SLC35F1: variants seen among roughly 807,000 people sequenced by gnomAD.
The protein encoded by SLC35F1 is solute carrier family 35 member F1.
Under a neutral mutation model 48.7 loss-of-function variants are expected in SLC35F1, and 14 were observed. The observed-to-expected ratio is 0.29, with a 90% CI of 0.19 to 0.45. The LOEUF (loss-of-function observed/expected upper bound fraction) is 0.45, where lower values mean the gene tolerates loss of function less well. Among genes scored for constraint, SLC35F1 ranks in the 20% least tolerant of loss-of-function variants. The pLI is 1.00. For missense variants in SLC35F1, 404 were observed against 500.0 expected (o/e 0.81, Z 1.83); for synonymous variants, 190 against 202.2 (o/e 0.94, Z 0.51).
At chr6:118,275,311 C>T in intron 4 of SLC35F1, 148 bp from the exon 5 acceptor site, 1 of 860,742 alleles carries the variant, frequency 1.2e-6, no homozygotes, top group East Asian at 2.7e-5. Flanking sequence ...CACAGATAAA[C>T]TTTACTAAAT....
chr6:118,276,274 A>C (rs958881992), intron 5 of SLC35F1, among the ~76,000 whole-genome samples: 1 of 152,200 alleles, frequency 6.6e-6, no homozygotes, highest in African/African-American at 2.4e-5. Context: ...ATTTTCCACC[A>C]GTAAAGACCA....
At chr6:117,961,494 C>T (rs1039842553) in intron 1 of SLC35F1, among the ~76,000 whole-genome samples, 1 of 152,102 alleles carries the variant, frequency 6.6e-6, no homozygotes, top group South Asian at 2.1e-4. Context: ...GTTGCTTCGT[C>T]GGGTCTAGAA....
intron 1 of SLC35F1, among the ~76,000 whole-genome samples, chr6:118,032,040 T>C (rs901239683): frequency 9.8e-5 from 15 of 152,292 alleles, no homozygotes; most frequent in African/African-American, 3.1e-4. Flanking sequence ...AAGCATGAAG[T>C]TCTTATGCAG....
chr6:118,169,223 C>T (rs1048630221), intron 2 of SLC35F1, among the ~76,000 whole-genome samples: 1 of 152,152 alleles, frequency 6.6e-6, no homozygotes, highest in Non-Finnish European at 1.5e-5. Flanking sequence ...AATGATCACT[C>T]CTTTGAAGAA....
intron 1 of SLC35F1, among the ~76,000 whole-genome samples, chr6:118,144,127 T>C (rs1370063972): frequency 1.3e-5 from 2 of 152,174 alleles, no homozygotes; most frequent in Non-Finnish European, 2.9e-5. Flanking sequence ...ATTATAAAGA[T>C]ACATTCATGC....
At chr6:118,248,883 T>C (rs554132017) in intron 3 of SLC35F1, among the ~76,000 whole-genome samples, 1 of 152,318 alleles carries the variant, frequency 6.6e-6, no homozygotes, top group African/African-American at 2.4e-5. Flanking sequence ...ATAATGGTAT[T>C]TGGAGGTGGA....
chr6:118,039,945 T>C (rs897317411), intron 1 of SLC35F1, among the ~76,000 whole-genome samples: 1 of 152,110 alleles, frequency 6.6e-6, no homozygotes, highest in Non-Finnish European at 1.5e-5. Context: ...AACAACTAAC[T>C]TGTTTGGGTT....
intron 1 of SLC35F1, among the ~76,000 whole-genome samples, chr6:117,913,863 C>T (rs1775792758): frequency 1.3e-5 from 2 of 152,020 alleles, no homozygotes; most frequent in South Asian, 2.1e-4. Context: ...CCAACCTGGC[C>T]AACATGGCGA....
At chr6:117,952,628 G>A (rs1017721184) in intron 1 of SLC35F1, among the ~76,000 whole-genome samples, 9 of 152,036 alleles carry the variant, frequency 5.9e-5, no homozygotes, top group South Asian at 2.1e-4. Context: ...TCTTTTCCCC[G>A]TGGTGTACAT....
At chr6:118,286,207 A>G (rs1456554567) in intron 7 of SLC35F1, among the ~76,000 whole-genome samples, 7 of 152,196 alleles carry the variant, frequency 4.6e-5, no homozygotes, top group Admixed American at 4.6e-4. Context: ...CTGAAAGAAG[A>G]AGAGGCAGAA....
chr6:118,287,025 C>T (rs1776059797), intron 7 of SLC35F1, among the ~76,000 whole-genome samples: 1 of 152,138 alleles, frequency 6.6e-6, no homozygotes, highest in Non-Finnish European at 1.5e-5. Flanking sequence ...AAACCGAGAG[C>T]TTAAAGAAAG....
chr6:118,039,134 A>AT (rs1331348740), intron 1 of SLC35F1, among the ~76,000 whole-genome samples: 1 of 152,146 alleles, frequency 6.6e-6, no homozygotes, highest in East Asian at 1.9e-4. Context: ...GGGATGTAGA[A>AT]TTTTGTTTCA....
At chr6:118,024,034 A>G (rs4245492) in intron 1 of SLC35F1, among the ~76,000 whole-genome samples, 108,060 of 152,008 alleles carry the variant, frequency 0.71, 39,042 homozygotes, top group South Asian at 0.83. Flanking sequence ...AGGCTGTGGG[A>G]TTACTAGGGA....
chr6:118,039,281 T>C (rs2114900076), intron 1 of SLC35F1, among the ~76,000 whole-genome samples: 1 of 152,236 alleles, frequency 6.6e-6, no homozygotes, highest in Non-Finnish European at 1.5e-5. Context: ...GTCAAGATTT[T>C]TTTTTCTTTA....
chr6:118,285,425 TG>T, intron 7 of SLC35F1, 87 bp downstream of exon 7: 2 of 1,468,800 alleles, frequency 1.4e-6, no homozygotes, highest in African/African-American at 2.8e-5. Context: ...TGAAATGCCC[TG>T]ATTTTGTGTA....
chr6:118,083,859 T>C (rs1582656784), intron 1 of SLC35F1, among the ~76,000 whole-genome samples: 1 of 152,332 alleles, frequency 6.6e-6, no homozygotes, highest in East Asian at 1.9e-4. Flanking sequence ...ATGCAAACTG[T>C]CTGTGCTATT....
intron 1 of SLC35F1, among the ~76,000 whole-genome samples, chr6:118,141,740 A>G (rs1387284179): frequency 1.3e-5 from 2 of 152,142 alleles, no homozygotes; most frequent in Non-Finnish European, 2.9e-5. Flanking sequence ...TAGGATTTCA[A>G]CATATGAATG....
intron 2 of SLC35F1, among the ~76,000 whole-genome samples, chr6:118,214,523 A>C (rs1775047096): frequency 6.6e-6 from 1 of 152,194 alleles, no homozygotes; most frequent in Non-Finnish European, 1.5e-5. Flanking sequence ...CCTTACGCCA[A>C]CCTTTTTGGG....
At position 118,295,996 on chromosome 6, in the gene SLC35F1, C is replaced by T. The variant is rs77579974; in HGVS notation, c.1002+10658C>T. On this transcript the variant is annotated intron_variant, in intron 7 of 7. Coordinates refer to ENST00000360388, the MANE Select transcript of SLC35F1 (RefSeq NM_001029858.4). ...GCTGAATAACTTAGGGTAAGTGTTG[C>T]TAGCTTCTAGCAGTGGGGAAGGGAT... Among the ~76,000 whole-genome samples the T allele has an allele frequency of 8.5e-5, 13 of 152,238 alleles. No individual in the cohort carries two copies. The East Asian group carries it at 2.5e-3, about 29-fold the overall frequency.
Sources: gnomAD v4.1 joint callset for allele counts (sites outside exome capture counted in the v4.1 genomes callset) on GRCh38, gnomAD v4.1.1 for gene constraint, MANE v1.5 for transcripts, NCBI Gene and HGNC (gene_info 2026-07-23, HGNC 2026-07-21) for gene names.